Variants in GTF3C1 observed in about 807,000 individuals in gnomAD.
GTF3C1 encodes the protein general transcription factor IIIC subunit 1.
GTF3C1 carries 57 observed loss-of-function variants against 226.7 expected under a neutral mutation model. The ratio of observed to expected loss-of-function variants is 0.25; its 90% confidence interval spans 0.20 to 0.31. The LOEUF is 0.31. Among genes scored for constraint, GTF3C1 ranks in the 10% least tolerant of loss-of-function variants. The pLI is 1.00. For synonymous variants in GTF3C1, 1,090 were observed against 1,084.8 expected (o/e 1.00, Z -0.09); for missense variants, 2,217 against 2,776.1 (o/e 0.80, Z 4.53).
intron 7 of GTF3C1, among the ~76,000 whole-genome samples, chr16:27,511,253 C>T (rs896096120): frequency 1.3e-5 from 2 of 152,220 alleles, no homozygotes; most frequent in Non-Finnish European, 2.9e-5. Context: ...CTTGCCCTCT[C>T]TCTCTTCTGG....
chr16:27,464,294 G>A (rs2087749014), intron 34 of GTF3C1, 26 bp downstream of exon 34: 2 of 1,415,754 alleles, frequency 1.4e-6, no homozygotes, highest in Non-Finnish European at 9.3e-7. Context: ...GGGGTGAGGT[G>A]GGGTGGGGGA....
At chr16:27,485,251 C>G (rs558791090) in intron 24 of GTF3C1, among the ~76,000 whole-genome samples, 1 of 152,226 alleles carries the variant, frequency 6.6e-6, no homozygotes, top group Non-Finnish European at 1.5e-5. Context: ...GGCTGAGACC[C>G]GGAGGCACAC....
At chr16:27,489,532 C>T (rs1020912332) in intron 20 of GTF3C1, 70 bp downstream of exon 20, 10 of 1,242,032 alleles carry the variant, frequency 8.1e-6, no homozygotes, top group East Asian at 5.0e-5. Flanking sequence ...CAGACAAGGG[C>T]GGGCAGGCAT....
intron 4 of GTF3C1, among the ~76,000 whole-genome samples, chr16:27,534,873 ATATAT>A (rs2088977253): frequency 6.6e-6 from 1 of 151,964 alleles, no homozygotes; most frequent in African/African-American, 2.4e-5. Flanking sequence ...TATTGAAAAA[ATATAT>A]TAGAAAATAT....
chr16:27,523,719 A>C (rs2088786146), intron 6 of GTF3C1, among the ~76,000 whole-genome samples: 1 of 152,188 alleles, frequency 6.6e-6, no homozygotes, highest in Admixed American at 6.5e-5. Context: ...CCCTGAAGGA[A>C]GTCATGAGCT....
chr16:27,463,514 GC>G lies in GTF3C1; in HGVS notation c.5924+26del. On this transcript the variant is annotated intron_variant, in intron 35 of 36. Coordinates refer to ENST00000356183, the MANE Select transcript of GTF3C1 (RefSeq NM_001520.4). The surrounding 1 kb of genome is among the most constrained non-coding windows in gnomAD (Gnocchi z 4.9). ...GTCCCTGTCAAGAGCCCCGCCCCAG[GC>G]CCCGGAGCCAGAACCCCACACCCAC... 1.4e-6 allele frequency: 2 copies of G among 1,419,302 alleles called. No individual in the cohort carries two copies. The highest frequency in any genetic ancestry group is 2.0e-6 in the Non-Finnish European group (2 of 1,003,312). The allele number at this position is 1,419,302 out of a possible 1,614,324, so 87.9% of individuals were successfully genotyped here.
At position 27,475,267 on chromosome 16, in the gene GTF3C1, A is replaced by G. The variant is rs780895995; in HGVS notation, c.4353+1184T>C. Among the ~76,000 whole-genome samples the G allele has an allele frequency of 3.9e-5, 6 of 152,108 alleles. No individual in the cohort carries two copies. The South Asian group carries it at 6.2e-4, about 16-fold the overall frequency. On this transcript the variant is annotated intron_variant, in intron 29 of 36. Transcript: ENST00000356183. ...TCTGAGAATAGGGCTTGGGCTTAAC[A>G]TGCTATAAGATCTCTCTGTGGACTG...
intron 2 of GTF3C1, among the ~76,000 whole-genome samples, chr16:27,541,651 G>A (rs1007811438): frequency 1.3e-5 from 2 of 152,208 alleles, no homozygotes; most frequent in Non-Finnish European, 2.9e-5. Flanking sequence ...TGAATGATGT[G>A]GCGACGTGAA....
chr16:27,512,530 T>C (rs756665860), intron 6 of GTF3C1, among the ~76,000 whole-genome samples: 27 of 152,202 alleles, frequency 1.8e-4, no homozygotes, highest in Non-Finnish European at 2.8e-4. Flanking sequence ...AGCGATCTTA[T>C]GCATACTACA....
chr16:27,470,514 T>C lies in GTF3C1; in HGVS notation c.4527-119A>G. On this transcript the variant is annotated intron_variant, in intron 30 of 36. Coordinates refer to ENST00000356183, the MANE Select transcript of GTF3C1 (RefSeq NM_001520.4). This position sits in a 1 kb window ranked among gnomAD's most constrained non-coding sequence, Gnocchi z 4.9. ...AGAACTAAGCAAAACGCCCCACTTC[T>C]TCCCTAAAGCTCTCTGTCCCATCCC... 1 of 765,408 alleles carries C rather than the reference T, an allele frequency of 1.3e-6. No homozygotes were observed. The highest frequency in any genetic ancestry group is 1.7e-5 in the South Asian group (1 of 59,004). 47.4% of individuals were successfully genotyped at this position (765,408 alleles called of 1,614,324 possible).
At chr16:27,476,098 G>T (rs2087946313) in intron 29 of GTF3C1, among the ~76,000 whole-genome samples, 1 of 152,148 alleles carries the variant, frequency 6.6e-6, no homozygotes, top group African/African-American at 2.4e-5. Context: ...GTGACAATCT[G>T]GTGCTGTACA....
intron 2 of GTF3C1, among the ~76,000 whole-genome samples, chr16:27,543,647 C>T (rs1398210157): frequency 6.6e-6 from 1 of 152,172 alleles, no homozygotes; most frequent in Non-Finnish European, 1.5e-5. Context: ...ATCCTCCTGC[C>T]TTGGCCTCCC....
chr16:27,502,008 T>C (rs2088412062), intron 11 of GTF3C1, among the ~76,000 whole-genome samples: 1 of 151,722 alleles, frequency 6.6e-6, no homozygotes, highest in Admixed American at 6.6e-5. Context: ...GGCAGAAGAA[T>C]TGTTTGAACC....
intron 32 of GTF3C1, among the ~76,000 whole-genome samples, chr16:27,467,580 C>T (rs990593555): frequency 3.3e-5 from 5 of 152,148 alleles, no homozygotes; most frequent in Non-Finnish European, 5.9e-5. Flanking sequence ...TTAAGAAATA[C>T]ATTTGATGGC....
chr16:27,468,011 T>C (rs1270975737), intron 32 of GTF3C1, among the ~76,000 whole-genome samples: 2 of 152,054 alleles, frequency 1.3e-5, no homozygotes, highest in Non-Finnish European at 2.9e-5. Flanking sequence ...CTGTGATTCA[T>C]GGGAGGTGGT....
At chr16:27,484,443 T>C (rs2088104227) in intron 24 of GTF3C1, 90 bp from the exon 25 acceptor site, 1 of 871,316 alleles carries the variant, frequency 1.1e-6, no homozygotes. Flanking sequence ...CAAAATGTGT[T>C]TTGTGCAGCC....
chr16:27,472,180 C>T (rs1177555320), intron 29 of GTF3C1, among the ~76,000 whole-genome samples: 1 of 152,074 alleles, frequency 6.6e-6, no homozygotes, highest in South Asian at 2.1e-4. Flanking sequence ...AGGGAACTGA[C>T]GAGACAGGGG....
rs367654027 is a variant in GTF3C1 at position 27,484,176 on chromosome 16, G to A, written c.4001+35C>T. The A allele has an allele frequency of 3.2e-4, 481 of 1,503,004 alleles. 3 individuals are homozygous for A. The South Asian group carries it at 4.0e-3, about 12-fold the overall frequency. 93.1% of individuals were successfully genotyped at this position (1,503,004 alleles called of 1,614,324 possible). A position where few individuals can be genotyped will look rare whatever the true frequency, so the allele number is the denominator to read the frequency against. ...CTTAAGCAAACGGGATAACGTAACC[G>A]TGTCCCGGAGTGACGGGGCTTCAAT... On this transcript the variant is annotated intron_variant, in intron 25 of 36. Transcript: ENST00000356183.
At chr16:27,509,149 C>T (rs1410950836) in intron 7 of GTF3C1, among the ~76,000 whole-genome samples, 1 of 152,152 alleles carries the variant, frequency 6.6e-6, no homozygotes, top group Non-Finnish European at 1.5e-5. Flanking sequence ...TGCACTGTCC[C>T]ATAAGAGTCG....
Sources: gnomAD v4.1 joint callset for allele counts (sites outside exome capture counted in the v4.1 genomes callset) on GRCh38, gnomAD v4.1.1 for gene constraint, Gnocchi (gnomAD v3.1) non-coding constraint, MANE v1.5 for transcripts, NCBI Gene and HGNC (gene_info 2026-07-23, HGNC 2026-07-21) for gene names.